Variants in B3GLCT observed in about 807,000 individuals in gnomAD.
B3GLCT encodes the protein beta 3-glucosyltransferase.
Under a neutral mutation model 63.4 loss-of-function variants are expected in B3GLCT, and 65 were observed. The observed-to-expected ratio is 1.03, with a 90% CI of 0.84 to 1.26. B3GLCT has a LOEUF of 1.26. Among genes scored for constraint, B3GLCT ranks in the 50% most tolerant of loss-of-function variants. B3GLCT has a pLI of 0.00. For missense variants in B3GLCT, 577 were observed against 604.8 expected (o/e 0.95, Z 0.48); for synonymous variants, 233 against 219.2 (o/e 1.06, Z -0.55).
At chr13:31,243,612 T>TC (rs1871055134) in intron 4 of B3GLCT, among the ~76,000 whole-genome samples, 1 of 152,228 alleles carries the variant, frequency 6.6e-6, no homozygotes, top group Non-Finnish European at 1.5e-5. Flanking sequence ...GATATTGGAA[T>TC]CAAACCCCTT....
intron 12 of B3GLCT, among the ~76,000 whole-genome samples, chr13:31,308,193 GA>G (rs1402277120): frequency 7.1e-5 from 3 of 42,256 alleles, no homozygotes; most frequent in Admixed American, 5.3e-4. Flanking sequence ...GGGGTCGGGG[GA>G]GGGGGGAGGG....
intron 12 of B3GLCT, among the ~76,000 whole-genome samples, chr13:31,309,438 C>G (rs1874587529): frequency 6.6e-6 from 1 of 152,220 alleles, no homozygotes; most frequent in Admixed American, 6.5e-5. Context: ...GTTGACGGCT[C>G]AGTCCCCAAG....
At position 31,200,119 on chromosome 13, in the gene B3GLCT, C is replaced by T; in HGVS notation, c.35C>T (p.Pro12Leu). 1 of 1,376,186 alleles carries T rather than the reference C, an allele frequency of 7.3e-7. No homozygotes were observed. The highest frequency in any genetic ancestry group is 9.5e-7 in the Non-Finnish European group (1 of 1,055,196). The allele number at this position is 1,376,186 out of a possible 1,614,324, so 85.2% of individuals were successfully genotyped here. Residue 12 changes from proline (P) to leucine (L), a missense_variant, in exon 1 of 15, where the codon CCG (proline) becomes CTG (leucine). Coordinates refer to ENST00000343307, the MANE Select transcript of B3GLCT (RefSeq NM_194318.4). ...RPPACWWLLA[P>L]PALLALLTCS... ...CCCGCCTGCTGGTGGCTGCTCGCGC[C>T]GCCGGCGCTGCTCGCGCTCCTCACC...
intron 12 of B3GLCT, among the ~76,000 whole-genome samples, chr13:31,297,265 T>C (rs919426121): frequency 6.6e-6 from 1 of 152,128 alleles, no homozygotes; most frequent in African/African-American, 2.4e-5. Context: ...CTATTTATAA[T>C]GGAACCATCA....
At chr13:31,282,649 C>A (rs369677556) in intron 10 of B3GLCT, among the ~76,000 whole-genome samples, 794 of 129,968 alleles carry the variant, frequency 6.1e-3, no homozygotes, top group Middle Eastern at 8.3e-3. Context: ...GACTCTGTCT[C>A]AAAAAAAAAA....
At chr13:31,309,904 T>C (rs1874618240) in intron 12 of B3GLCT, among the ~76,000 whole-genome samples, 2 of 152,218 alleles carry the variant, frequency 1.3e-5, no homozygotes, top group Non-Finnish European at 1.5e-5. Context: ...CTCTAGGTTA[T>C]GGGGCAGGAC....
intron 6 of B3GLCT, among the ~76,000 whole-genome samples, chr13:31,257,640 G>A (rs1192823306): frequency 6.6e-6 from 1 of 151,800 alleles, no homozygotes; most frequent in Admixed American, 6.6e-5. Flanking sequence ...GCAGAATAAG[G>A]CTCTTAAGAA....
chr13:31,233,989 C>T (rs575834130), intron 4 of B3GLCT, among the ~76,000 whole-genome samples: 1 of 149,958 alleles, frequency 6.7e-6, no homozygotes, highest in Non-Finnish European at 1.5e-5. Context: ...GGAGAAGGGC[C>T]ATCAGCAGGC....
chr13:31,207,587 G>C (rs1488768849), intron 1 of B3GLCT, among the ~76,000 whole-genome samples: 2 of 151,398 alleles, frequency 1.3e-5, no homozygotes, highest in East Asian at 3.9e-4. Context: ...TGTGCTTCCT[G>C]TAAAATATAT....
intron 3 of B3GLCT, among the ~76,000 whole-genome samples, chr13:31,228,794 TAGC>T (rs1364424415): frequency 2.6e-5 from 4 of 152,228 alleles, no homozygotes; most frequent in Non-Finnish European, 5.9e-5. Flanking sequence ...TCATAACAGG[TAGC>T]AGCACAGTGT....
At chr13:31,274,948 G>A (rs1872715462) in intron 9 of B3GLCT, among the ~76,000 whole-genome samples, 2 of 152,190 alleles carry the variant, frequency 1.3e-5, no homozygotes, top group Non-Finnish European at 2.9e-5. Flanking sequence ...GTGAGAACAT[G>A]CAGTATTTGG....
At chr13:31,249,617 T>G (rs1871335412) in intron 6 of B3GLCT, among the ~76,000 whole-genome samples, 2 of 152,138 alleles carry the variant, frequency 1.3e-5, no homozygotes, top group Non-Finnish European at 2.9e-5. Flanking sequence ...TTAATGAAAA[T>G]TGGGATGATA....
At chr13:31,253,744 G>T (rs904773205) in intron 6 of B3GLCT, among the ~76,000 whole-genome samples, 1 of 151,836 alleles carries the variant, frequency 6.6e-6, no homozygotes, top group African/African-American at 2.4e-5. Flanking sequence ...ATGAATCCAG[G>T]AGCTGGTTTT....
intron 2 of B3GLCT, among the ~76,000 whole-genome samples, chr13:31,217,979 T>C (rs1164480306): frequency 6.6e-6 from 1 of 152,202 alleles, no homozygotes. Context: ...TCATTGGTAG[T>C]TTGATAGAAA....
chr13:31,210,575 C>T (rs1030079349), intron 1 of B3GLCT, among the ~76,000 whole-genome samples: 3 of 152,112 alleles, frequency 2.0e-5, no homozygotes, highest in African/African-American at 7.2e-5. Flanking sequence ...TTCTTACCTC[C>T]CTTGCTAATT....
intron 8 of B3GLCT, among the ~76,000 whole-genome samples, chr13:31,272,355 C>T (rs1291640234): frequency 6.6e-6 from 1 of 151,792 alleles, no homozygotes. Flanking sequence ...GCTGGGATTA[C>T]AGGTGCCCGC....
At chr13:31,271,031 G>A (rs1455405892) in intron 8 of B3GLCT, among the ~76,000 whole-genome samples, 2 of 152,236 alleles carry the variant, frequency 1.3e-5, no homozygotes, top group African/African-American at 2.4e-5. Context: ...TGCATAAGGC[G>A]TGAATTCCTG....
intron 6 of B3GLCT, among the ~76,000 whole-genome samples, chr13:31,250,124 G>T (rs1488161220): frequency 6.6e-6 from 1 of 152,136 alleles, no homozygotes; most frequent in Non-Finnish European, 1.5e-5. Context: ...ACCACAGTAT[G>T]CTTTTAATAT....
chr13:31,219,447 A>G (rs1295816542), intron 2 of B3GLCT, among the ~76,000 whole-genome samples: 3 of 152,174 alleles, frequency 2.0e-5, no homozygotes, highest in African/African-American at 7.2e-5. Context: ...GGCAATAATG[A>G]GGATCATTTG....
Sources: allele counts gnomAD v4.1 joint callset (sites outside exome capture counted in the v4.1 genomes callset), GRCh38; gene constraint gnomAD v4.1.1; transcripts MANE v1.5; gene names NCBI Gene and HGNC (gene_info 2026-07-23, HGNC 2026-07-21).